SETX: variants seen among roughly 807,000 people sequenced by gnomAD.
SETX encodes the protein senataxin.
SETX carries 90 observed loss-of-function variants against 227.2 expected under a neutral mutation model. That is an observed-to-expected ratio of 0.40 (90% CI 0.33 to 0.47). The LOEUF (loss-of-function observed/expected upper bound fraction) is 0.47, where lower values mean the gene tolerates loss of function less well. Ranked by LOEUF, SETX falls within the 20% of genes least tolerant of loss-of-function variation. The probability of loss-of-function intolerance (pLI) is 0.91; values close to 1 mark genes in which losing one functional copy is unlikely to be tolerated. For synonymous variants in SETX, 1,210 were observed against 1,113.2 expected (o/e 1.09, Z -1.73); for missense variants, 3,052 against 3,181.5 (o/e 0.96, Z 0.98).
upstream of SETX, among the ~76,000 whole-genome samples, chr9:132,355,977 ACTCT>A (rs1401696297): frequency 8.4e-6 from 1 of 119,674 alleles, no homozygotes; most frequent in Non-Finnish European, 1.7e-5. Flanking sequence ...AAGGAGCGAG[ACTCT>A]CTCTCCGGAA....
intron 13 of SETX, among the ~76,000 whole-genome samples, chr9:132,297,482 G>A (rs1366920142): frequency 6.6e-6 from 1 of 152,104 alleles, no homozygotes; most frequent in Non-Finnish European, 1.5e-5. Flanking sequence ...AAGCATGTAT[G>A]CCAGGGGAAG....
intron 15 of SETX, among the ~76,000 whole-genome samples, chr9:132,295,571 G>C (rs896564360): frequency 6.6e-6 from 1 of 152,128 alleles, no homozygotes; most frequent in African/African-American, 2.4e-5. Flanking sequence ...GTCCCCCTAA[G>C]GTGTGTGGAA....
intron 10 of SETX, among the ~76,000 whole-genome samples, chr9:132,323,650 G>A (rs1052585071): frequency 6.6e-6 from 1 of 152,116 alleles, no homozygotes; most frequent in African/African-American, 2.4e-5. Context: ...GCCTGTAATC[G>A]TAGCACTTTG....
chr9:132,293,717 G>C (rs1401830749), intron 15 of SETX, among the ~76,000 whole-genome samples: 1 of 151,912 alleles, frequency 6.6e-6, no homozygotes, highest in Admixed American at 6.6e-5. Flanking sequence ...ACTGTGCCCA[G>C]CCTGCTAATT....
chr9:132,270,846 T>C (rs1842869304), intron 24 of SETX, among the ~76,000 whole-genome samples: 1 of 152,164 alleles, frequency 6.6e-6, no homozygotes, highest in Non-Finnish European at 1.5e-5. Context: ...ATGATAAAAG[T>C]GAAATTTCAA....
At chr9:132,337,963 G>A (rs533395537) in intron 5 of SETX, among the ~76,000 whole-genome samples, 4 of 152,196 alleles carry the variant, frequency 2.6e-5, no homozygotes, top group East Asian at 1.9e-4. Flanking sequence ...AGGATATGGC[G>A]TGCCTCTGTC....
intron 10 of SETX, among the ~76,000 whole-genome samples, chr9:132,318,750 C>G (rs1223370202): frequency 6.6e-6 from 1 of 152,152 alleles, no homozygotes; most frequent in Non-Finnish European, 1.5e-5. Context: ...CTACCCACTG[C>G]AGACATGAGC....
chr9:132,299,893 A>T (rs1335819974), intron 12 of SETX, among the ~76,000 whole-genome samples: 1 of 152,096 alleles, frequency 6.6e-6, no homozygotes, highest in African/African-American at 2.4e-5. Context: ...CTGTAATCCC[A>T]GCACTTTGGG....
At chr9:132,354,131 T>C (rs559982127) in intron 1 of SETX, among the ~76,000 whole-genome samples, 1 of 152,296 alleles carries the variant, frequency 6.6e-6, no homozygotes, top group Non-Finnish European at 1.5e-5. Flanking sequence ...GTCGTGCAAA[T>C]TGCTGGGCAC....
chr9:132,327,267 G>A lies in SETX; in HGVS notation c.4331C>T (p.Ser1444Phe). 6.2e-7 allele frequency: 1 copy of A among 1,614,174 alleles called. No individual in the cohort carries two copies. Among genetic ancestry groups the A allele is most frequent in the Non-Finnish European group, 8.5e-7 (1 of 1,180,034 alleles). Residue 1444 changes from serine (S) to phenylalanine (F), a missense_variant, in exon 10 of 26, where the codon TCT (serine) becomes TTT (phenylalanine). By Grantham distance (155) the Ser-to-Phe change is radical (BLOSUM62 -2). Coordinates refer to ENST00000224140, the MANE Select transcript of SETX (RefSeq NM_015046.7). ...TGGTACTGTTCCATTTAACACTACA[G>A]AATCACACTGGTTCAAAGGGCAAGC... ...DDACPLNQCD[S>F]VVLNGTVPTN...
intron 10 of SETX, among the ~76,000 whole-genome samples, chr9:132,326,095 T>A (rs1846733099): frequency 6.6e-6 from 1 of 151,638 alleles, no homozygotes; most frequent in African/African-American, 2.4e-5. Context: ...TGAGACAGAG[T>A]CTCACTCTGC....
chr9:132,283,760 G>T (rs2131215899), intron 18 of SETX, among the ~76,000 whole-genome samples: 1 of 152,268 alleles, frequency 6.6e-6, no homozygotes, highest in East Asian at 1.9e-4. Context: ...TCTGAGTTGT[G>T]AATTATATGA....
rs1021246478 is a variant in SETX at position 132,261,670 on chromosome 9, A to C, written c.*2569T>G. On this transcript the variant is annotated 3_prime_UTR_variant, in exon 26 of 26. Transcript: ENST00000224140. Reference sequence around the variant, plus strand: ...AAAAATAGTTCAGTACATTTTTGTTATAAAATTCATTTACAGGAGGTTATT... The same window carrying C: ...AAAAATAGTTCAGTACATTTTTGTTCTAAAATTCATTTACAGGAGGTTATT... 6 of 152,984 alleles carry C rather than the reference A, an allele frequency of 3.9e-5. No homozygotes were observed. Among genetic ancestry groups the C allele is most frequent in the African/African-American group, 1.4e-4 (6 of 41,482 alleles). The allele number at this position is 152,984 out of a possible 1,614,324, so 9.5% of individuals were successfully genotyped here. A position where few individuals can be genotyped will look rare whatever the true frequency, so the allele number is the denominator to read the frequency against.
chr9:132,305,104 C>T (rs914675865), intron 11 of SETX, among the ~76,000 whole-genome samples: 28 of 152,100 alleles, frequency 1.8e-4, no homozygotes, highest in Non-Finnish European at 3.2e-4. Context: ...CCTGTAATCC[C>T]AGCACTTTGG....
At chr9:132,351,485 C>CAAAA (rs1333732981) in intron 2 of SETX, among the ~76,000 whole-genome samples, 1 of 152,050 alleles carries the variant, frequency 6.6e-6, no homozygotes, top group Admixed American at 6.5e-5. Context: ...TTTCCACAAC[C>CAAAA]AAAAAAGCAA....
At chr9:132,285,728 A>C (rs1038855772) in intron 18 of SETX, among the ~76,000 whole-genome samples, 23 of 150,536 alleles carry the variant, frequency 1.5e-4, no homozygotes, top group African/African-American at 5.5e-4. Flanking sequence ...AAAAATACAA[A>C]ATTTAGTCGG....
chr9:132,274,060 T>C (rs2131160707), intron 23 of SETX, among the ~76,000 whole-genome samples: 1 of 152,306 alleles, frequency 6.6e-6, no homozygotes, highest in East Asian at 1.9e-4. Context: ...CTCCTCATTC[T>C]TCTAATATGG....
chr9:132,300,267 C>A (rs899532422), intron 12 of SETX, among the ~76,000 whole-genome samples: 15 of 151,878 alleles, frequency 9.9e-5, no homozygotes, highest in Non-Finnish European at 1.8e-4. Context: ...TAAGCAGATT[C>A]CTCAAGCTGC....
chr9:132,290,616 C>T (rs894431131), intron 15 of SETX, among the ~76,000 whole-genome samples: 1 of 148,654 alleles, frequency 6.7e-6, no homozygotes, highest in African/African-American at 2.5e-5. Context: ...CCACTACAGC[C>T]AGGTGCAGCG....
Sources: allele counts gnomAD v4.1 joint callset (sites outside exome capture counted in the v4.1 genomes callset), GRCh38; gene constraint gnomAD v4.1.1; transcripts MANE v1.5; gene names NCBI Gene and HGNC (gene_info 2026-07-23, HGNC 2026-07-21).